The following TENM4 variants were observed in gnomAD, a reference collection of about 807,000 sequenced individuals.
The protein encoded by TENM4 is teneurin-4.
In TENM4, 82 loss-of-function variants were observed where a neutral mutation model predicts 243.3. The observed-to-expected ratio is 0.34, with a 90% CI of 0.28 to 0.40. TENM4 has a LOEUF of 0.40. Ranked by LOEUF, TENM4 falls within the 10% of genes least tolerant of loss-of-function variation. TENM4 has a pLI of 1.00. For synonymous variants in TENM4, 1,412 were observed against 1,456.3 expected (o/e 0.97, Z 0.69); for missense variants, 3,138 against 3,673.3 (o/e 0.85, Z 3.77).
chr11:78,921,836 C>G (rs1377139454), intron 6 of TENM4, among the ~76,000 whole-genome samples: 1 of 152,242 alleles, frequency 6.6e-6, no homozygotes, highest in Non-Finnish European at 1.5e-5. Context: ...TCTCTCCCTT[C>G]TCTGCCTTCA....
intron 2 of TENM4, among the ~76,000 whole-genome samples, chr11:79,268,748 T>G (rs951620776): frequency 2.0e-5 from 3 of 152,236 alleles, no homozygotes; most frequent in Non-Finnish European, 4.4e-5. Context: ...CTTTTTGCAA[T>G]CTATTTAGTA....
At chr11:79,203,649 C>T (rs138442459) in intron 3 of TENM4, among the ~76,000 whole-genome samples, 1 of 152,270 alleles carries the variant, frequency 6.6e-6, no homozygotes, top group African/African-American at 2.4e-5. Context: ...GATTCCAGGA[C>T]CCCCTGCAGG....
At chr11:79,270,521 T>C (rs1855951472) in intron 2 of TENM4, among the ~76,000 whole-genome samples, 1 of 152,012 alleles carries the variant, frequency 6.6e-6, no homozygotes, top group South Asian at 2.1e-4. Context: ...TACCTAAGGG[T>C]TTCTCAGACC....
At chr11:79,149,118 T>C (rs1443309731) in intron 3 of TENM4, among the ~76,000 whole-genome samples, 1 of 152,132 alleles carries the variant, frequency 6.6e-6, no homozygotes, top group African/African-American at 2.4e-5. Context: ...GGGAGTTACT[T>C]TGTAGCCTCA....
At chr11:78,961,648 A>C (rs967104144) in intron 6 of TENM4, among the ~76,000 whole-genome samples, 8 of 152,178 alleles carry the variant, frequency 5.3e-5, no homozygotes, top group Non-Finnish European at 8.8e-5. Context: ...TTTATGGGTA[A>C]TGGGGTAATC....
At chr11:79,348,986 C>T (rs919747071) in intron 1 of TENM4, among the ~76,000 whole-genome samples, 1 of 152,158 alleles carries the variant, frequency 6.6e-6, no homozygotes, top group Non-Finnish European at 1.5e-5. Context: ...TCATAGAATG[C>T]TAGAGCTGGA....
chr11:78,705,966 C>T (rs931507533), intron 27 of TENM4, among the ~76,000 whole-genome samples: 2 of 152,186 alleles, frequency 1.3e-5, no homozygotes, highest in African/African-American at 4.8e-5. Context: ...TTACTAGCTG[C>T]TGGGCACTGT....
chr11:78,756,885 G>A lies in TENM4; in HGVS notation c.2676C>T (p.His892=), dbSNP rs377034713. The A allele has an allele frequency of 2.0e-5, 33 of 1,613,854 alleles. No homozygotes were observed. The highest frequency in any genetic ancestry group is 2.5e-5 in the Non-Finnish European group (29 of 1,179,902). The change falls in exon 19 of 34, where the codon CAC becomes CAT. Residue 892 remains histidine (H), a synonymous_variant. Transcript: ENST00000278550. ...GGAACTTGATGCGGTCATAGAAGGA[G>A]TGTAGGTTCTGCTGTGACACAGGGA... is the stretch of plus-strand genomic sequence containing the variant. ...TQVPVSQQNL[H]SFYDRIKFLV... is the part of the protein sequence containing the mutation.
intron 28 of TENM4, among the ~76,000 whole-genome samples, chr11:78,691,089 T>G (rs1269175571): frequency 2.0e-5 from 3 of 152,130 alleles, no homozygotes; most frequent in Admixed American, 6.5e-5. Context: ...CCCTCCCTGG[T>G]TTTTCCTGTC....
intron 15 of TENM4, among the ~76,000 whole-genome samples, chr11:78,795,369 C>T (rs781359452): frequency 5.3e-5 from 8 of 152,216 alleles, no homozygotes; most frequent in African/African-American, 1.4e-4. Context: ...AGAGTGCTCA[C>T]GTAACTGTTC....
At chr11:78,913,457 T>C (rs1323531679) in intron 6 of TENM4, among the ~76,000 whole-genome samples, 2 of 152,218 alleles carry the variant, frequency 1.3e-5, no homozygotes, top group Non-Finnish European at 2.9e-5. Context: ...GAAAGCTTTC[T>C]GGCTGTCAAG....
At chr11:78,784,727 A>G (rs919694226) in intron 16 of TENM4, among the ~76,000 whole-genome samples, 4 of 152,230 alleles carry the variant, frequency 2.6e-5, no homozygotes, top group Non-Finnish European at 5.9e-5. Flanking sequence ...TCTGTTCTAG[A>G]AGAGCGACAA....
chr11:79,391,713 G>A (rs898170253), intron 1 of TENM4, among the ~76,000 whole-genome samples: 6 of 152,118 alleles, frequency 3.9e-5, no homozygotes, highest in African/African-American at 1.4e-4. Flanking sequence ...AGAAATTAAT[G>A]GCTTTGATTA....
At chr11:79,435,847 C>G (rs1859261322) in intron 1 of TENM4, among the ~76,000 whole-genome samples, 1 of 152,102 alleles carries the variant, frequency 6.6e-6, no homozygotes. Context: ...TTATTTGTAA[C>G]TTTTGATTTG....
chr11:78,724,984 C>T (rs986985592), intron 23 of TENM4, among the ~76,000 whole-genome samples: 4 of 152,194 alleles, frequency 2.6e-5, no homozygotes, highest in Admixed American at 6.5e-5. Context: ...TATCTACCTC[C>T]AGACTTGCAG....
In TENM4 at chr11:78,737,013, G is replaced by A. The variant is rs190951757; in HGVS notation, c.2876+1438C>T. Among the ~76,000 whole-genome samples, 410 of 152,250 alleles carry A rather than the reference G, an allele frequency of 2.7e-3. 3 individuals carry two copies. The highest frequency in any genetic ancestry group is 9.3e-3 in the African/African-American group (386 of 41,538). ...AGGCCACTGAACTTATGCCAGACTCGGTGTGTTTTATGAATCTACTCTAAC... is the reference window on the plus strand; with the variant it reads ...AGGCCACTGAACTTATGCCAGACTCAGTGTGTTTTATGAATCTACTCTAAC... On this transcript the variant is annotated intron_variant, in intron 20 of 33. Coordinates refer to ENST00000278550, the MANE Select transcript of TENM4 (RefSeq NM_001098816.3).
At chr11:79,096,920 G>A (rs1385311795) in intron 4 of TENM4, 3 of 119,124 alleles carry the variant, frequency 2.5e-5, no homozygotes, top group East Asian at 3.6e-4. Flanking sequence ...GCACATGCGC[G>A]CGCGCGCGCA....
chr11:79,199,637 C>T (rs1199318732), intron 3 of TENM4, among the ~76,000 whole-genome samples: 2 of 152,176 alleles, frequency 1.3e-5, no homozygotes, highest in Admixed American at 6.5e-5. Context: ...GATATGCAGT[C>T]CTGGGGCTGG....
intron 4 of TENM4, among the ~76,000 whole-genome samples, chr11:79,111,846 G>C (rs989747119): frequency 3.3e-5 from 5 of 152,162 alleles, no homozygotes; most frequent in East Asian, 1.9e-4. Context: ...GGGTGGTCAA[G>C]AAGAGTCTCA....
Sources: allele counts gnomAD v4.1 joint callset (sites outside exome capture counted in the v4.1 genomes callset), GRCh38; gene constraint gnomAD v4.1.1; transcripts MANE v1.5; gene names NCBI Gene and HGNC (gene_info 2026-07-23, HGNC 2026-07-21).